The following DPF3 variants were observed in gnomAD, a reference collection of about 807,000 sequenced individuals.
DPF3 encodes double PHD fingers 3.
Under a neutral mutation model 56.8 loss-of-function variants are expected in DPF3, and 18 were observed. That is an observed-to-expected ratio of 0.32 (90% CI 0.22 to 0.47). The LOEUF (loss-of-function observed/expected upper bound fraction) is 0.47, where lower values mean the gene tolerates loss of function less well. DPF3 is among the 20% of genes least tolerant of loss of function. DPF3 has a pLI of 1.00. For missense variants in DPF3, 403 were observed against 488.8 expected, an observed-to-expected ratio of 0.82 and a Z score of 1.65; for synonymous variants, 188 against 180.2, an observed-to-expected ratio of 1.04 and a Z score of -0.35.
chr14:72,632,475 T>C (rs66653372), intron 8 of DPF3, among the ~76,000 whole-genome samples: 45,941 of 151,798 alleles, frequency 0.3, 8,147 homozygotes, highest in East Asian at 0.68. Context: ...TATGAAGCTA[T>C]AATTATGTCA....
intron 8 of DPF3, among the ~76,000 whole-genome samples, chr14:72,659,813 C>G (rs1886153942): frequency 6.6e-6 from 1 of 152,166 alleles, no homozygotes; most frequent in African/African-American, 2.4e-5. Flanking sequence ...CTGTGTTCAT[C>G]AAAAGATACA....
chr14:72,831,257 A>G (rs1434954442), intron 1 of DPF3, among the ~76,000 whole-genome samples: 1 of 152,152 alleles, frequency 6.6e-6, no homozygotes, highest in Non-Finnish European at 1.5e-5. Flanking sequence ...CTTGACAGCA[A>G]GCAGGTCAGA....
At chr14:72,788,913 T>G (rs755771764) in intron 1 of DPF3, among the ~76,000 whole-genome samples, 43 of 152,210 alleles carry the variant, frequency 2.8e-4, no homozygotes, top group Non-Finnish European at 5.4e-4. Flanking sequence ...CAGACTGACA[T>G]GATTATTTTT....
intron 2 of DPF3, among the ~76,000 whole-genome samples, chr14:72,768,940 T>C (rs1347965027): frequency 1.1e-5 from 1 of 87,584 alleles, no homozygotes; most frequent in African/African-American, 3.6e-5. Context: ...TGTCTGTGTG[T>C]GTGTGTGTGT....
chr14:72,658,157 G>A (rs1039165270), intron 8 of DPF3, among the ~76,000 whole-genome samples: 1 of 152,158 alleles, frequency 6.6e-6, no homozygotes, highest in Non-Finnish European at 1.5e-5. Flanking sequence ...AGTGTAATCA[G>A]ATTGTTCATA....
intron 7 of DPF3, among the ~76,000 whole-genome samples, chr14:72,678,803 T>C (rs1887027105): frequency 6.6e-6 from 1 of 152,008 alleles, no homozygotes; most frequent in Non-Finnish European, 1.5e-5. Context: ...TGGGCTGAGA[T>C]CATATAAGAG....
chr14:72,664,129 C>A (rs771609179), intron 8 of DPF3, among the ~76,000 whole-genome samples: 22 of 152,074 alleles, frequency 1.4e-4, no homozygotes, highest in Admixed American at 1.4e-3. Context: ...CCCAGGTGAC[C>A]TTTCCTGGGA....
chr14:72,626,360 T>C (rs1188599712), intron 9 of DPF3, among the ~76,000 whole-genome samples: 3 of 152,192 alleles, frequency 2.0e-5, no homozygotes, highest in Non-Finnish European at 4.4e-5. Context: ...TCTTCTTATA[T>C]TTCTTTTACA....
At chr14:72,836,375 T>C (rs1884294259) in intron 1 of DPF3, 2 of 985,364 alleles carry the variant, frequency 2.0e-6, no homozygotes, top group Non-Finnish European at 2.4e-6. Context: ...CCAGAGAAAC[T>C]GTCAGAGCAG....
At chr14:72,821,378 T>A (rs1883534854) in intron 1 of DPF3, among the ~76,000 whole-genome samples, 1 of 151,562 alleles carries the variant, frequency 6.6e-6, no homozygotes, top group Admixed American at 6.6e-5. Flanking sequence ...AGCCCAGGAG[T>A]CCAAGACCTG....
At chr14:72,749,217 G>A (rs531330862) in intron 3 of DPF3, among the ~76,000 whole-genome samples, 2 of 152,376 alleles carry the variant, frequency 1.3e-5, no homozygotes, top group Admixed American at 1.3e-4. Context: ...GCATGACCTG[G>A]ATATGAGACA....
chr14:72,649,061 T>C (rs1408420825), intron 8 of DPF3, among the ~76,000 whole-genome samples: 1 of 152,140 alleles, frequency 6.6e-6, no homozygotes, highest in African/African-American at 2.4e-5. Context: ...TTTCTCCCAG[T>C]TCTTCCTTTT....
chr14:72,629,581 C>G, intron 9 of DPF3, 43 bp downstream of exon 9: 1 of 1,505,174 alleles, frequency 6.6e-7, no homozygotes, highest in Non-Finnish European at 8.9e-7. Flanking sequence ...AGGACCCCAG[C>G]TCTGTGGATT....
intron 1 of DPF3, among the ~76,000 whole-genome samples, chr14:72,777,661 G>A (rs1209804545): frequency 6.6e-6 from 1 of 152,132 alleles, no homozygotes; most frequent in Non-Finnish European, 1.5e-5. Context: ...CTCATGGCTT[G>A]GTGCTGTCTT....
At chr14:72,864,647 C>A (rs1478155250) in intron 1 of DPF3, among the ~76,000 whole-genome samples, 1 of 152,156 alleles carries the variant, frequency 6.6e-6, no homozygotes, top group Non-Finnish European at 1.5e-5. Flanking sequence ...CATGGTGCTG[C>A]CCAGGTTGGC....
At chr14:72,668,371 C>A (rs1380425713) in intron 8 of DPF3, among the ~76,000 whole-genome samples, 1 of 152,026 alleles carries the variant, frequency 6.6e-6, no homozygotes, top group Non-Finnish European at 1.5e-5. Context: ...GGGTATAAAT[C>A]TTGAGTCCGT....
intron 1 of DPF3, among the ~76,000 whole-genome samples, chr14:72,835,755 C>T (rs1328025189): frequency 6.6e-6 from 1 of 152,142 alleles, no homozygotes; most frequent in African/African-American, 2.4e-5. Flanking sequence ...TTGTAAAACC[C>T]CAAATGCCAG....
At chr14:72,756,365 G>T (rs1005561111) in intron 2 of DPF3, among the ~76,000 whole-genome samples, 1 of 152,188 alleles carries the variant, frequency 6.6e-6, no homozygotes, top group East Asian at 1.9e-4. Flanking sequence ...GGCATTGAAA[G>T]GCTTGATGCC....
chr14:72,630,507 C>T (rs1187949078), intron 8 of DPF3, among the ~76,000 whole-genome samples: 1 of 152,174 alleles, frequency 6.6e-6, no homozygotes, highest in African/African-American at 2.4e-5. Flanking sequence ...TCAAGCACAG[C>T]CCCCGTGAGC....
Sources: allele counts gnomAD v4.1 joint callset (sites outside exome capture counted in the v4.1 genomes callset), GRCh38; gene constraint gnomAD v4.1.1; transcripts MANE v1.5; gene names NCBI Gene and HGNC (gene_info 2026-07-23, HGNC 2026-07-21).